Variants in E2F3 observed in about 807,000 individuals in gnomAD.
E2F3 encodes transcription factor E2F3.
In E2F3, 11 loss-of-function variants were observed where a neutral mutation model predicts 44.4. The observed-to-expected ratio is 0.25, with a 90% CI of 0.16 to 0.41. The LOEUF (loss-of-function observed/expected upper bound fraction) is 0.41, where lower values mean the gene tolerates loss of function less well. Among genes scored for constraint, E2F3 ranks in the 10% least tolerant of loss-of-function variants. The pLI, the probability that E2F3 is intolerant of heterozygous loss-of-function variation, is 1.00. For synonymous variants in E2F3, 249 were observed against 253.0 expected (o/e 0.98, Z 0.15); for missense variants, 487 against 583.6 (o/e 0.83, Z 1.70).
chr6:20,488,313 A>T, intron 6 of E2F3, 65 bp downstream of exon 6: 1 of 1,508,334 alleles, frequency 6.6e-7, no homozygotes, highest in Non-Finnish European at 8.8e-7. Flanking sequence ...AACCATCTGT[A>T]TTGGAACCAC....
chr6:20,468,098 TG>T (rs1389177435), intron 1 of E2F3, among the ~76,000 whole-genome samples: 1 of 152,242 alleles, frequency 6.6e-6, no homozygotes, highest in Non-Finnish European at 1.5e-5. Context: ...ACCAGATGTG[TG>T]GGGGGTTTCC....
intron 1 of E2F3, among the ~76,000 whole-genome samples, chr6:20,414,274 G>T (rs1330892447): frequency 1.3e-5 from 2 of 152,072 alleles, no homozygotes; most frequent in Non-Finnish European, 2.9e-5. Context: ...GTCAGGGCTC[G>T]CAGAGACGAG....
intron 1 of E2F3, among the ~76,000 whole-genome samples, chr6:20,405,022 G>A (rs1427943908): frequency 1.3e-5 from 2 of 152,176 alleles, no homozygotes; most frequent in Non-Finnish European, 2.9e-5. Context: ...GAAATTATGA[G>A]AGCTTCAAGT....
At chr6:20,441,579 G>C (rs972767739) in intron 1 of E2F3, among the ~76,000 whole-genome samples, 1 of 151,866 alleles carries the variant, frequency 6.6e-6, no homozygotes, top group Non-Finnish European at 1.5e-5. Flanking sequence ...TTGTGTTTTT[G>C]TTTTTGTTTT....
At chr6:20,423,646 T>A (rs1355423375) in intron 1 of E2F3, among the ~76,000 whole-genome samples, 1 of 151,624 alleles carries the variant, frequency 6.6e-6, no homozygotes, top group African/African-American at 2.4e-5. Context: ...AATTTTTGTA[T>A]TTTTAGTAGA....
At chr6:20,408,178 T>C (rs997489667) in intron 1 of E2F3, among the ~76,000 whole-genome samples, 2 of 152,254 alleles carry the variant, frequency 1.3e-5, no homozygotes, top group Non-Finnish European at 2.9e-5. Flanking sequence ...GCAGTAAATA[T>C]AGGAAACCAC....
intron 1 of E2F3, among the ~76,000 whole-genome samples, chr6:20,433,879 A>G (rs1402250346): frequency 1.3e-5 from 2 of 152,216 alleles, no homozygotes; most frequent in Non-Finnish European, 2.9e-5. Context: ...GAGAAGTCCT[A>G]TCACTCCTTA....
chr6:20,424,357 CAGAG>C (rs1378102801), intron 1 of E2F3, among the ~76,000 whole-genome samples: 1 of 112,106 alleles, frequency 8.9e-6, no homozygotes, highest in African/African-American at 3.6e-5. Context: ...GCCCTTTTCT[CAGAG>C]AGACACAGAG....
Position 20,491,544 on chromosome 6 carries a change from C to G in E2F3, c.*1114C>G. 1 of 213,860 alleles carries G rather than the reference C, an allele frequency of 4.7e-6. No homozygotes were observed. The highest frequency in any genetic ancestry group is 9.5e-6 in the Non-Finnish European group (1 of 105,346). 13.2% of individuals were successfully genotyped at this position (213,860 alleles called of 1,614,324 possible). ...ATGATGTAACAGCCCCAAGGAGCAG[C>G]AGGCATGGGTCCCTCCATCCTTGGG... On this transcript the variant is annotated 3_prime_UTR_variant, in exon 7 of 7. Transcript: ENST00000346618.
chr6:20,433,990 G>A (rs1279408596), intron 1 of E2F3, among the ~76,000 whole-genome samples: 1 of 152,218 alleles, frequency 6.6e-6, no homozygotes, highest in Non-Finnish European at 1.5e-5. Context: ...TTAATTTTGG[G>A]ATGGAAGTTT....
intron 1 of E2F3, among the ~76,000 whole-genome samples, chr6:20,432,646 A>T (rs567073031): frequency 1.3e-5 from 2 of 152,256 alleles, no homozygotes; most frequent in African/African-American, 4.8e-5. Context: ...TGATTGAGAG[A>T]TGGATGTGGT....
chr6:20,446,434 G>A (rs760948941), intron 1 of E2F3, among the ~76,000 whole-genome samples: 1 of 152,172 alleles, frequency 6.6e-6, no homozygotes, highest in African/African-American at 2.4e-5. Flanking sequence ...GTGCCTACAC[G>A]GCACATAAGG....
At chr6:20,462,431 G>A (rs1761541849) in intron 1 of E2F3, among the ~76,000 whole-genome samples, 1 of 150,776 alleles carries the variant, frequency 6.6e-6, no homozygotes. Context: ...TTTACCTATC[G>A]GTATGCCTGT....
chr6:20,476,418 T>C (rs928777287), intron 1 of E2F3, among the ~76,000 whole-genome samples: 2 of 151,944 alleles, frequency 1.3e-5, no homozygotes, highest in Admixed American at 6.6e-5. Context: ...TATTGGCTAA[T>C]GTAACTGGAA....
At chr6:20,445,211 A>C in intron 1 of E2F3, 1 of 909,560 alleles carries the variant, frequency 1.1e-6, no homozygotes, top group South Asian at 5.1e-5. Context: ...CAGGATGACA[A>C]GGCATTGAGA....
At chr6:20,450,682 C>G (rs950454670) in intron 1 of E2F3, among the ~76,000 whole-genome samples, 1 of 152,044 alleles carries the variant, frequency 6.6e-6, no homozygotes, top group Non-Finnish European at 1.5e-5. Context: ...TTGGTGTCTT[C>G]GTCATGAAAT....
chr6:20,440,202 AT>A, intron 1 of E2F3: 1 of 152,332 alleles, frequency 6.6e-6, no homozygotes. Context: ...TTTTTCTTAT[AT>A]TCTTCATTCC....
At chr6:20,403,797 G>T in intron 1 of E2F3, 4 of 1,498,018 alleles carry the variant, frequency 2.7e-6, no homozygotes, top group South Asian at 2.5e-5. Context: ...TCCCCCCGGA[G>T]CCAGGCTGGT....
intron 1 of E2F3, among the ~76,000 whole-genome samples, chr6:20,475,365 A>G (rs2127617389): frequency 6.6e-6 from 1 of 152,320 alleles, no homozygotes; most frequent in African/African-American, 2.4e-5. Flanking sequence ...GCCTCATGGC[A>G]GTCTGAAACA....
Sources: allele counts gnomAD v4.1 joint callset (sites outside exome capture counted in the v4.1 genomes callset), GRCh38; gene constraint gnomAD v4.1.1; transcripts MANE v1.5; gene names NCBI Gene and HGNC (gene_info 2026-07-23, HGNC 2026-07-21).